KRT8: variants seen among roughly 807,000 people sequenced by gnomAD.
KRT8 encodes the protein keratin 8.
Under a neutral mutation model 43.0 loss-of-function variants are expected in KRT8, and 24 were observed. The observed-to-expected ratio is 0.56, with a 90% CI of 0.40 to 0.78. The LOEUF (loss-of-function observed/expected upper bound fraction) is 0.78, where lower values mean the gene tolerates loss of function less well. Ranked by LOEUF, KRT8 falls within the 30% of genes least tolerant of loss-of-function variation. KRT8 has a pLI of 0.00. For missense variants in KRT8, 492 were observed against 638.4 expected (o/e 0.77, Z 2.47); for synonymous variants, 214 against 261.2 (o/e 0.82, Z 1.74).
chr12:52,908,665 T>C (rs1300879092), upstream of KRT8, among the ~76,000 whole-genome samples: 2 of 152,100 alleles, frequency 1.3e-5, no homozygotes, highest in Admixed American at 6.6e-5. Context: ...TGGAGATGAA[T>C]GCTAAAGAGC....
chr12:52,943,752 C>T (rs1406317277), intron 2 of KRT8, among the ~76,000 whole-genome samples: 1 of 152,230 alleles, frequency 6.6e-6, no homozygotes, highest in East Asian at 1.9e-4. Context: ...CTGCCCCATG[C>T]CTCTCCCAAG....
chr12:52,923,714 G>A lies in KRT8; in HGVS notation c.-46-18687C>T, dbSNP rs561238521. ...ATTACAGGCGTGAGCCACCACGCCCGGCTCTAAATTATTTTTATTACTAAT... is the reference window on the plus strand; with the variant it reads ...ATTACAGGCGTGAGCCACCACGCCCAGCTCTAAATTATTTTTATTACTAAT... On this transcript the variant is annotated intron_variant, in intron 2 of 6. Transcript: ENST00000546826. Among the ~76,000 whole-genome samples the A allele has an allele frequency of 2.6e-5, 4 of 151,990 alleles. No homozygotes were observed. In the East Asian group the frequency reaches 5.8e-4, roughly 22 times the overall value.
At chr12:52,945,168 C>T (rs535250250) in intron 2 of KRT8, among the ~76,000 whole-genome samples, 20 of 152,328 alleles carry the variant, frequency 1.3e-4, no homozygotes, top group Admixed American at 1.2e-3. Context: ...CCCAGATCTC[C>T]CTCTGTCTCA....
upstream of KRT8, chr12:52,907,195 A>G (rs1254683590): frequency 3.1e-5 from 5 of 159,332 alleles, no homozygotes; most frequent in Non-Finnish European, 5.5e-5. Flanking sequence ...AACAATGCCT[A>G]ATTTTCCCAA....
Position 52,902,005 on chromosome 12 carries a change from G to A in KRT8, c.392C>T (p.Thr131Met), listed in dbSNP as rs752152485. The change falls in exon 2 of 8, where the codon ACG becomes ATG. Residue 131 changes from threonine (T) to methionine (M), a missense_variant. Physicochemically the swap from Thr to Met is moderately conservative, Grantham distance 81. This residue lies in a region of KRT8 where 389 missense variants were observed against 485.7 expected (regional missense o/e 0.80). Transcript: ENST00000692008. ...CATGTTGTCCATGTTGCTTCGAGCC[G>A]TCTTCTGCTGCTGCAGGAGGCTCCA... 82 of 1,603,108 alleles carry A rather than the reference G, an allele frequency of 5.1e-5. No homozygotes were observed. Among genetic ancestry groups the A allele is most frequent in the Admixed American group, 2.5e-4 (15 of 59,990 alleles).
intron 2 of KRT8, among the ~76,000 whole-genome samples, chr12:52,935,579 C>T (rs143301271): frequency 2.7e-5 from 4 of 149,120 alleles, no homozygotes; most frequent in African/African-American, 9.8e-5. Context: ...CCGTTCGTGA[C>T]CTTGAGTTAG....
intron 2 of KRT8, among the ~76,000 whole-genome samples, chr12:52,924,974 A>T (rs1274588916): frequency 1.3e-5 from 2 of 152,316 alleles, no homozygotes; most frequent in East Asian, 3.9e-4. Context: ...AGGAATGGGG[A>T]GGATGCGTCT....
At position 52,904,641 on chromosome 12, in the gene KRT8, G is replaced by T; in HGVS notation, c.324+17C>A. 1 of 1,610,572 alleles carries T rather than the reference G, an allele frequency of 6.2e-7. No individual in the cohort carries two copies. Among genetic ancestry groups the T allele is most frequent in the Non-Finnish European group, 8.5e-7 (1 of 1,178,474 alleles). On this transcript the variant is annotated intron_variant, in intron 1 of 7. Coordinates refer to ENST00000692008, the Ensembl canonical transcript of KRT8. ...AGGGGCTGCGGGCACAGTCAGCCAC[G>T]CAGGGGGGACCCTCACCTTGTCTAT...
intron 2 of KRT8, among the ~76,000 whole-genome samples, chr12:52,942,646 G>A (rs1197580848): frequency 6.6e-6 from 1 of 152,084 alleles, no homozygotes; most frequent in African/African-American, 2.4e-5. Flanking sequence ...TTTCAGCCAT[G>A]TTTTAAGGCT....
At chr12:52,904,843 G>T (rs762840989) in exon 1 of KRT8, 4 of 1,612,566 alleles carry the variant, frequency 2.5e-6, no homozygotes, top group South Asian at 2.2e-5. Context: ...AGGCCACCGC[G>T]AAAGTTGCTG....
chr12:52,918,073 AGAG>A (rs372632283), intron 2 of KRT8, among the ~76,000 whole-genome samples: 956 of 41,906 alleles, frequency 0.023, 57 homozygotes, highest in African/African-American at 0.12. Context: ...GAGAAGAAGA[AGAG>A]GAGGAGGAGG....
chr12:52,903,584 G>GGGGCCCC lies in KRT8; in HGVS notation c.324+1067_324+1073dup, dbSNP rs1195217197. ...CAATCCTCGGGGCCGCCGGGGGCCC[G>GGGGCCCC]GGGCCCCTCAGGCAGCGGAGTCCCA... On this transcript the variant is annotated intron_variant, in intron 1 of 7. Coordinates refer to ENST00000692008, the Ensembl canonical transcript of KRT8. The GGGGCCCC allele has an allele frequency of 3.9e-5, 6 of 152,154 alleles. No individual in the cohort carries two copies. In the East Asian group the frequency reaches 1.2e-3, roughly 29 times the overall value. 9.4% of individuals were successfully genotyped at this position (152,154 alleles called of 1,614,324 possible). A position where few individuals can be genotyped will look rare whatever the true frequency, so the allele number is the denominator to read the frequency against.
At chr12:52,926,535 T>C (rs927975168) in intron 2 of KRT8, 2 of 1,318,578 alleles carry the variant, frequency 1.5e-6, no homozygotes, top group African/African-American at 1.5e-5. Context: ...AAGTGGCCAC[T>C]CCTATAGAGA....
chr12:52,901,772 C>T, intron 2 of KRT8, 92 bp downstream of exon 2: 1 of 908,986 alleles, frequency 1.1e-6, no homozygotes, highest in Non-Finnish European at 1.9e-6. Flanking sequence ...GCACTTCCCA[C>T]AACAGAGGGC....
At chr12:52,938,170 A>ATATATATATATATATTTTTTTT (rs1555189967) in intron 2 of KRT8, among the ~76,000 whole-genome samples, 3 of 30,310 alleles carry the variant, frequency 9.9e-5, no homozygotes, top group South Asian at 1.3e-3. Context: ...ATATATATAT[A>ATATATATATATATATTTTTTTT]TTTTTTTTTT....
At chr12:52,911,585 G>A (rs552618575), upstream of KRT8, among the ~76,000 whole-genome samples, 3 of 152,112 alleles carry the variant, frequency 2.0e-5, no homozygotes, top group African/African-American at 4.8e-5. Flanking sequence ...TTTAACCTTC[G>A]TAAGAACACT....
intron 2 of KRT8, among the ~76,000 whole-genome samples, chr12:52,918,155 GGGAAGAAGAAGAAGAAGAGGAAGA>G (rs1941792400): frequency 1.3e-5 from 1 of 76,178 alleles, no homozygotes; most frequent in Non-Finnish European, 2.6e-5. Flanking sequence ...GAGGGAGAAG[GGGAAGAAGAAGAAGAAGAGGAAGA>G]GGAAGAAGAA....
intron 2 of KRT8, among the ~76,000 whole-genome samples, chr12:52,915,201 G>A (rs996493683): frequency 2.0e-5 from 3 of 151,622 alleles, no homozygotes; most frequent in Non-Finnish European, 2.9e-5. Context: ...GTGAAACCCC[G>A]TCTCTACTAA....
At chr12:52,924,427 C>A (rs1941950252) in intron 2 of KRT8, among the ~76,000 whole-genome samples, 1 of 146,342 alleles carries the variant, frequency 6.8e-6, no homozygotes, top group Admixed American at 6.9e-5. Context: ...CCAGCCTGGG[C>A]GACAGAGGGA....
Sources: allele counts gnomAD v4.1 joint callset (sites outside exome capture counted in the v4.1 genomes callset), GRCh38; gene constraint gnomAD v4.1.1; regional missense constraint gnomAD v4.1.1; transcripts MANE v1.5; gene names NCBI Gene and HGNC (gene_info 2026-07-23, HGNC 2026-07-21).